The following EML1 variants were observed in gnomAD, a reference collection of about 807,000 sequenced individuals.
The protein encoded by EML1 is echinoderm microtubule-associated protein-like 1.
In EML1, 27 loss-of-function variants were observed where a neutral mutation model predicts 110.4. The ratio of observed to expected loss-of-function variants is 0.24; its 90% confidence interval spans 0.18 to 0.34. EML1 has a LOEUF of 0.34. Ranked by LOEUF, EML1 falls within the 10% of genes least tolerant of loss-of-function variation. The pLI, the probability that EML1 is intolerant of heterozygous loss-of-function variation, is 1.00. For missense variants in EML1, 741 were observed against 1,030.9 expected, an observed-to-expected ratio of 0.72 and a Z score of 3.85; for synonymous variants, 344 against 385.8, an observed-to-expected ratio of 0.89 and a Z score of 1.27.
intron 1 of EML1, among the ~76,000 whole-genome samples, chr14:99,776,741 A>G (rs888022203): frequency 5.9e-5 from 9 of 152,154 alleles, no homozygotes; most frequent in Non-Finnish European, 8.8e-5. Context: ...TCAAATGGTG[A>G]TATGTTTCCT....
At position 99,914,162 on chromosome 14, in the gene EML1, A is replaced by C. The variant is rs1384785484; in HGVS notation, c.1495-17A>C. 1.3e-6 allele frequency: 2 copies of C among 1,592,264 alleles called. No homozygotes were observed. The highest frequency in any genetic ancestry group is 1.7e-6 in the Non-Finnish European group (2 of 1,163,776). ...GAAATTGTACATCTTTTCTTTTCAT[A>C]TGACTTTTCAATGCAGATTCCAGAA... On this transcript the variant is annotated splice_polypyrimidine_tract_variant and intron_variant, in intron 13 of 21. Transcript: ENST00000262233.
rs114442088 is a variant in EML1, at chr14:99,817,700, C to T, written c.67+24157C>T. Among the ~76,000 whole-genome samples, 1,357 of 152,238 alleles carry T rather than the reference C, an allele frequency of 8.9e-3. 19 individuals are homozygous for T. Among genetic ancestry groups the T allele is most frequent in the African/African-American group, 0.031 (1,271 of 41,554 alleles). On this transcript the variant is annotated intron_variant, in intron 1 of 21. Coordinates refer to ENST00000262233, the MANE Select transcript of EML1 (RefSeq NM_004434.3). ...CCCATTCGGCACATTCCTTGAGGGC[C>T]GACTCTGTGCCAGGTGTTGTGCTAG...
At chr14:99,819,814 G>A (rs1406141617) in intron 1 of EML1, among the ~76,000 whole-genome samples, 3 of 152,336 alleles carry the variant, frequency 2.0e-5, no homozygotes, top group Non-Finnish European at 2.9e-5. Context: ...CCCACACCAC[G>A]CAGCCAGCCT....
intron 4 of EML1, among the ~76,000 whole-genome samples, chr14:99,879,151 G>T (rs1037838456): frequency 6.6e-6 from 1 of 152,096 alleles, no homozygotes; most frequent in Admixed American, 6.5e-5. Flanking sequence ...CCAAATTTTT[G>T]AGTTTTTCTA....
At chr14:99,896,427 C>G (rs1448755746) in intron 6 of EML1, among the ~76,000 whole-genome samples, 1 of 152,002 alleles carries the variant, frequency 6.6e-6, no homozygotes, top group African/African-American at 2.4e-5. Context: ...TATCTTGATA[C>G]ATGAAATTGA....
chr14:99,786,736 G>C (rs998829696), intron 1 of EML1, among the ~76,000 whole-genome samples: 8 of 152,248 alleles, frequency 5.3e-5, no homozygotes, highest in Non-Finnish European at 1.2e-4. Context: ...TTTGCAGCAG[G>C]AGTGCAGACT....
chr14:99,747,334 C>T (rs2057122841), intron 1 of EML1, among the ~76,000 whole-genome samples: 1 of 152,130 alleles, frequency 6.6e-6, no homozygotes, highest in African/African-American at 2.4e-5. Context: ...GGACCAGCCT[C>T]TGGCCCAGGA....
chr14:99,775,360 C>T (rs2057470635), intron 1 of EML1, among the ~76,000 whole-genome samples: 1 of 152,178 alleles, frequency 6.6e-6, no homozygotes, highest in South Asian at 2.1e-4. Flanking sequence ...GGGCATATGA[C>T]AGGGAGGGAA....
intron 2 of EML1, among the ~76,000 whole-genome samples, chr14:99,854,713 A>G (rs939229538): frequency 6.6e-6 from 1 of 152,206 alleles, no homozygotes; most frequent in Non-Finnish European, 1.5e-5. Flanking sequence ...GGCTTGGTTC[A>G]TGTTGGATTT....
intron 1 of EML1, among the ~76,000 whole-genome samples, chr14:99,776,503 CAA>C (rs530358372): frequency 9.2e-6 from 1 of 108,892 alleles, no homozygotes; most frequent in South Asian, 3.0e-4. Context: ...GACTCCATCT[CAA>C]AAAAAAAAAA....
intron 1 of EML1, among the ~76,000 whole-genome samples, chr14:99,782,103 C>A (rs1171889857): frequency 6.6e-6 from 1 of 152,192 alleles, no homozygotes; most frequent in Non-Finnish European, 1.5e-5. Flanking sequence ...AGGGTGTCAG[C>A]TTGCATGCTT....
At chr14:99,826,833 G>A (rs2058369061) in intron 1 of EML1, among the ~76,000 whole-genome samples, 1 of 152,178 alleles carries the variant, frequency 6.6e-6, no homozygotes, top group Non-Finnish European at 1.5e-5. Flanking sequence ...AAACAAATCA[G>A]GCACAGAACT....
At chr14:99,765,506 T>C (rs1048933058) in intron 1 of EML1, among the ~76,000 whole-genome samples, 1 of 152,222 alleles carries the variant, frequency 6.6e-6, no homozygotes, top group African/African-American at 2.4e-5. Flanking sequence ...TTTATTTCAT[T>C]TATATATCCT....
At chr14:99,843,144 C>T (rs2058658069) in intron 1 of EML1, among the ~76,000 whole-genome samples, 7 of 152,122 alleles carry the variant, frequency 4.6e-5, no homozygotes, top group Admixed American at 3.9e-4. Context: ...CTTCCAACTA[C>T]TCGGGAGGCT....
intron 2 of EML1, among the ~76,000 whole-genome samples, chr14:99,862,040 T>A (rs2059011085): frequency 6.6e-6 from 1 of 152,200 alleles, no homozygotes; most frequent in Non-Finnish European, 1.5e-5. Context: ...GGATAACACA[T>A]TATCTTTAGT....
upstream of EML1, among the ~76,000 whole-genome samples, chr14:99,768,297 G>T (rs1437867398): frequency 1.3e-5 from 2 of 152,164 alleles, no homozygotes; most frequent in Non-Finnish European, 2.9e-5. Context: ...CCAGGGGAGG[G>T]AGGAACTCAT....
chr14:99,832,230 G>A (rs187645682), intron 1 of EML1, among the ~76,000 whole-genome samples: 67 of 152,278 alleles, frequency 4.4e-4, no homozygotes, highest in African/African-American at 1.5e-3. Flanking sequence ...ATCGCTGGGC[G>A]CCATTGTATG....
chr14:99,884,856 G>A (rs1390935290), intron 4 of EML1, among the ~76,000 whole-genome samples: 1 of 152,164 alleles, frequency 6.6e-6, no homozygotes, highest in Non-Finnish European at 1.5e-5. Context: ...CTGGGGGTGG[G>A]GGCAGGGAAG....
intron 7 of EML1, among the ~76,000 whole-genome samples, chr14:99,897,622 T>C (rs17099194): frequency 0.021 from 3,191 of 152,254 alleles, 103 homozygotes; most frequent in African/African-American, 0.071. Flanking sequence ...ACGCATGAGC[T>C]TCACGGACCA....
Sources: allele counts gnomAD v4.1 joint callset (sites outside exome capture counted in the v4.1 genomes callset), GRCh38; gene constraint gnomAD v4.1.1; transcripts MANE v1.5; gene names NCBI Gene and HGNC (gene_info 2026-07-23, HGNC 2026-07-21).